The following CALCR variants were observed in gnomAD, a reference collection of about 807,000 sequenced individuals.
The protein encoded by CALCR is calcitonin receptor.
CALCR carries 47 observed loss-of-function variants against 59.5 expected under a neutral mutation model. The ratio of observed to expected loss-of-function variants is 0.79; its 90% confidence interval spans 0.63 to 1.01. CALCR has a LOEUF of 1.01. CALCR is among the 50% of genes least tolerant of loss of function. The pLI, the probability that CALCR is intolerant of heterozygous loss-of-function variation, is 0.00. For missense variants in CALCR, 566 were observed against 597.1 expected (o/e 0.95, Z 0.54); for synonymous variants, 213 against 211.3 (o/e 1.01, Z -0.07).
intron 8 of CALCR, among the ~76,000 whole-genome samples, chr7:93,446,833 G>A (rs1054657585): frequency 6.6e-6 from 1 of 151,952 alleles, no homozygotes; most frequent in African/African-American, 2.4e-5. Context: ...TAAGTAGTAT[G>A]ATCTTCCAAA....
At chr7:93,482,425 G>A (rs535847646) in intron 3 of CALCR, among the ~76,000 whole-genome samples, 10 of 151,868 alleles carry the variant, frequency 6.6e-5, no homozygotes, top group Middle Eastern at 3.4e-3. Flanking sequence ...CGAATTAGAA[G>A]ATGGAACATG....
At chr7:93,472,585 C>T (rs1800577314) in intron 5 of CALCR, 98 bp from the exon 6 acceptor site, 1 of 711,732 alleles carries the variant, frequency 1.4e-6, no homozygotes, top group Non-Finnish European at 2.5e-6. Context: ...ACATATTAAT[C>T]ACTTTATAGA....
At chr7:93,562,554 TCA>T (rs1232099745) in intron 2 of CALCR, among the ~76,000 whole-genome samples, 2 of 152,198 alleles carry the variant, frequency 1.3e-5, no homozygotes, top group Non-Finnish European at 2.9e-5. Flanking sequence ...GCTTATATTT[TCA>T]GGTGTCCTGG....
chr7:93,466,887 A>C (rs993658813), intron 7 of CALCR, among the ~76,000 whole-genome samples: 2 of 151,732 alleles, frequency 1.3e-5, no homozygotes, highest in African/African-American at 4.8e-5. Flanking sequence ...GTTGAAAAAA[A>C]AATTCTTAAT....
chr7:93,433,323 A>C (rs1799698131), intron 13 of CALCR, among the ~76,000 whole-genome samples: 1 of 152,258 alleles, frequency 6.6e-6, no homozygotes, highest in Admixed American at 6.5e-5. Flanking sequence ...AATTATTCTT[A>C]ATAGGAATTG....
chr7:93,570,035 G>A (rs1399726960), intron 2 of CALCR, among the ~76,000 whole-genome samples: 1 of 151,866 alleles, frequency 6.6e-6, no homozygotes, highest in African/African-American at 2.4e-5. Flanking sequence ...TAAAAGTGAA[G>A]AATGGACTCC....
At chr7:93,562,427 A>G (rs1789770605) in intron 2 of CALCR, among the ~76,000 whole-genome samples, 1 of 152,166 alleles carries the variant, frequency 6.6e-6, no homozygotes, top group African/African-American at 2.4e-5. Flanking sequence ...CAACAACAAC[A>G]ACAACAACAA....
chr7:93,516,154 G>A (rs1024661024), intron 2 of CALCR, among the ~76,000 whole-genome samples: 2 of 151,722 alleles, frequency 1.3e-5, no homozygotes, highest in African/African-American at 4.8e-5. Context: ...AATGTAAAAG[G>A]TTTAACATCA....
chr7:93,540,333 T>G (rs569772054), intron 2 of CALCR, among the ~76,000 whole-genome samples: 16 of 152,318 alleles, frequency 1.1e-4, no homozygotes, highest in Non-Finnish European at 2.1e-4. Context: ...ACAGTCACTC[T>G]GTTTTTGGTA....
chr7:93,450,991 T>C (rs1025850536), intron 8 of CALCR, among the ~76,000 whole-genome samples: 1 of 151,940 alleles, frequency 6.6e-6, no homozygotes, highest in East Asian at 1.9e-4. Flanking sequence ...TCAGGAGTAA[T>C]CTTTTTCCCC....
intron 2 of CALCR, among the ~76,000 whole-genome samples, chr7:93,564,252 G>A (rs531797989): frequency 5.1e-4 from 78 of 152,006 alleles, no homozygotes; most frequent in Non-Finnish European, 9.0e-4. Flanking sequence ...TGAATGTGTG[G>A]GGGGGGACAG....
At chr7:93,553,492 T>G (rs539381958) in intron 2 of CALCR, among the ~76,000 whole-genome samples, 2 of 152,066 alleles carry the variant, frequency 1.3e-5, no homozygotes, top group African/African-American at 4.8e-5. Flanking sequence ...CTTTTTTTTT[T>G]GCACAACAAA....
At chr7:93,559,850 G>A (rs1463792421) in intron 2 of CALCR, 2 of 151,984 alleles carry the variant, frequency 1.3e-5, no homozygotes, top group Non-Finnish European at 2.9e-5. Flanking sequence ...TGTCCTTTCT[G>A]TCTGGTGGCT....
At chr7:93,528,358 G>A (rs371509797) in intron 2 of CALCR, among the ~76,000 whole-genome samples, 27 of 152,202 alleles carry the variant, frequency 1.8e-4, no homozygotes, top group South Asian at 1.0e-3. Flanking sequence ...TACATGTGCC[G>A]TGATGGTGCG....
At chr7:93,531,508 G>A (rs1349575477) in intron 2 of CALCR, among the ~76,000 whole-genome samples, 1 of 152,050 alleles carries the variant, frequency 6.6e-6, no homozygotes, top group African/African-American at 2.4e-5. Flanking sequence ...ATTGGAAGAT[G>A]GAGAAATCAG....
At chr7:93,489,524 C>T (rs960350854) in intron 2 of CALCR, among the ~76,000 whole-genome samples, 1 of 150,956 alleles carries the variant, frequency 6.6e-6, no homozygotes. Flanking sequence ...ACTAGCTAGA[C>T]TAATAAAGAA....
intron 7 of CALCR, among the ~76,000 whole-genome samples, chr7:93,462,545 T>C (rs1800358427): frequency 6.6e-6 from 1 of 152,132 alleles, no homozygotes; most frequent in South Asian, 2.1e-4. Flanking sequence ...CCATCCTTCA[T>C]AGTCACAACA....
rs532414814 is a variant in CALCR at position 93,473,007 on chromosome 7, T to C, written c.317-520A>G. Among the ~76,000 whole-genome samples, 4 of 151,878 alleles carry C rather than the reference T, an allele frequency of 2.6e-5. No homozygotes were observed. In the South Asian group the frequency reaches 8.3e-4, roughly 31 times the overall value. On this transcript the variant is annotated intron_variant, in intron 5 of 13. Coordinates refer to ENST00000426151, the MANE Select transcript of CALCR (RefSeq NM_001742.4). ...CCCAATCCCATATGGTTAAATCCAA[T>C]AGAACAAAGAAGTCCAAAACTAAGG...
chr7:93,446,546 G>A (rs866721999), intron 8 of CALCR, among the ~76,000 whole-genome samples: 3 of 151,992 alleles, frequency 2.0e-5, no homozygotes, highest in African/African-American at 7.2e-5. Context: ...CACCTGCTAT[G>A]AGCCAGGAAC....
Sources: allele counts gnomAD v4.1 joint callset (sites outside exome capture counted in the v4.1 genomes callset), GRCh38; gene constraint gnomAD v4.1.1; transcripts MANE v1.5; gene names NCBI Gene and HGNC (gene_info 2026-07-23, HGNC 2026-07-21).